CCDC171: variants seen among roughly 807,000 people sequenced by gnomAD.
CCDC171 encodes coiled-coil domain containing 171, also known as coiled-coil domain-containing protein 171.
In CCDC171, 177 loss-of-function variants were observed where a neutral mutation model predicts 168.2. That is an observed-to-expected ratio of 1.05 (90% confidence interval 0.93 to 1.19). The LOEUF (loss-of-function observed/expected upper bound fraction) is 1.19, where lower values mean the gene tolerates loss of function less well. Ranked by LOEUF, CCDC171 falls within the 50% of genes most tolerant of loss-of-function variation. The probability of loss-of-function intolerance (pLI) is 0.00; values close to 1 mark genes in which losing one functional copy is unlikely to be tolerated. For synonymous variants in CCDC171, 687 were observed against 540.8 expected (o/e 1.27, Z -3.75); for missense variants, 1,991 against 1,539.0 (o/e 1.29, Z -4.91).
At chr9:15,624,665 G>C (rs1054892020) in intron 7 of CCDC171, among the ~76,000 whole-genome samples, 5 of 152,138 alleles carry the variant, frequency 3.3e-5, no homozygotes, top group South Asian at 2.1e-4. Context: ...TGGCTGCATA[G>C]TATTCCATGG....
intron 1 of CCDC171, among the ~76,000 whole-genome samples, chr9:15,556,065 T>G (rs1013020238): frequency 3.3e-5 from 5 of 152,196 alleles, no homozygotes; most frequent in African/African-American, 1.2e-4. Flanking sequence ...TGCCACATTT[T>G]CTTAATCCAG....
In CCDC171 at chr9:15,858,573, G is replaced by A. The variant is rs147043614; in HGVS notation, c.3468+9626G>A. On this transcript the variant is annotated intron_variant, in intron 23 of 25. Transcript: ENST00000380701. Reference sequence around the variant, plus strand: ...AACACAGAATGTTTTTTCATTTGTTGTATTTTTAATTTCTTTTGCCAATAT... The same window carrying A: ...AACACAGAATGTTTTTTCATTTGTTATATTTTTAATTTCTTTTGCCAATAT... Among the ~76,000 whole-genome samples the A allele has an allele frequency of 6.4e-4, 98 of 151,988 alleles. 1 individual carries two copies. The East Asian group carries it at 0.016, about 25-fold the overall frequency.
intron 24 of CCDC171, among the ~76,000 whole-genome samples, chr9:15,882,552 A>G (rs1392309714): frequency 6.6e-6 from 1 of 152,122 alleles, no homozygotes; most frequent in African/African-American, 2.4e-5. Flanking sequence ...AGTGTTTGGA[A>G]AAACTTATTT....
At chr9:15,906,989 G>A (rs1189728507) in intron 24 of CCDC171, among the ~76,000 whole-genome samples, 1 of 152,010 alleles carries the variant, frequency 6.6e-6, no homozygotes, top group Non-Finnish European at 1.5e-5. Flanking sequence ...ACAAACCACT[G>A]CTCAATGAAA....
At chr9:15,955,847 C>T (rs973382231) in intron 25 of CCDC171, among the ~76,000 whole-genome samples, 17 of 151,804 alleles carry the variant, frequency 1.1e-4, no homozygotes, top group Admixed American at 3.9e-4. Context: ...AGGAAACAGA[C>T]GTGTGTGTAT....
At chr9:15,832,864 C>A (rs913019749) in intron 21 of CCDC171, among the ~76,000 whole-genome samples, 1 of 151,554 alleles carries the variant, frequency 6.6e-6, no homozygotes, top group African/African-American at 2.4e-5. Flanking sequence ...CTTTTTTTAA[C>A]GTTTAAAACT....
chr9:15,910,908 G>C (rs141018593), intron 24 of CCDC171, among the ~76,000 whole-genome samples: 1 of 152,140 alleles, frequency 6.6e-6, no homozygotes, highest in African/African-American at 2.4e-5. Flanking sequence ...AGTATTCCAT[G>C]GTGTATATGT....
chr9:15,849,031 G>T, intron 23 of CCDC171, 84 bp downstream of exon 23: 2 of 660,804 alleles, frequency 3.0e-6, no homozygotes, highest in Non-Finnish European at 2.5e-6. Flanking sequence ...TACTTTCATT[G>T]ATTTTGAAAG....
intron 6 of CCDC171, among the ~76,000 whole-genome samples, chr9:16,031,610 C>A (rs549860788): frequency 6.6e-6 from 1 of 152,156 alleles, no homozygotes; most frequent in African/African-American, 2.4e-5. Context: ...TTAGGGAAAT[C>A]GAATGGCCAG....
At chr9:15,805,919 G>C (rs1295223458) in intron 21 of CCDC171, among the ~76,000 whole-genome samples, 1 of 152,068 alleles carries the variant, frequency 6.6e-6, no homozygotes, top group Non-Finnish European at 1.5e-5. Context: ...CTAAGAATGT[G>C]CTTTATGAAT....
intron 11 of CCDC171, among the ~76,000 whole-genome samples, chr9:15,704,109 G>A (rs982757930): frequency 7.2e-5 from 11 of 152,198 alleles, no homozygotes; most frequent in African/African-American, 2.4e-4. Context: ...TACCTGTGAA[G>A]CACTGTAGAA....
intron 18 of CCDC171, among the ~76,000 whole-genome samples, chr9:15,762,275 C>T (rs1156504115): frequency 1.3e-5 from 2 of 150,344 alleles, no homozygotes; most frequent in African/African-American, 4.9e-5. Context: ...CAAATCTGTA[C>T]TAAAATATTA....
chr9:15,705,160 G>T (rs757848869), intron 11 of CCDC171, among the ~76,000 whole-genome samples: 1 of 151,838 alleles, frequency 6.6e-6, no homozygotes, highest in Non-Finnish European at 1.5e-5. Flanking sequence ...TGATGGACGT[G>T]TTAATTAACT....
At chr9:15,748,242 A>G (rs1255918106) in intron 18 of CCDC171, among the ~76,000 whole-genome samples, 1 of 152,202 alleles carries the variant, frequency 6.6e-6, no homozygotes, top group Non-Finnish European at 1.5e-5. Context: ...AGATCAAACT[A>G]ATGAAATAAA....
At chr9:15,685,495 C>T (rs1240070999) in intron 10 of CCDC171, among the ~76,000 whole-genome samples, 2 of 151,850 alleles carry the variant, frequency 1.3e-5, no homozygotes, top group East Asian at 1.9e-4. Context: ...ATGAGCTGTG[C>T]GTGGTGACGT....
intron 7 of CCDC171, among the ~76,000 whole-genome samples, chr9:15,646,197 T>G (rs1298262221): frequency 1.3e-5 from 2 of 152,196 alleles, no homozygotes; most frequent in Non-Finnish European, 2.9e-5. Flanking sequence ...AAGCAAATGC[T>G]GAGAGATTTT....
chr9:15,587,735 C>G (rs2041675186), intron 4 of CCDC171: 1 of 435,104 alleles, frequency 2.3e-6, no homozygotes, highest in Non-Finnish European at 4.7e-6. Context: ...TTTATAGTTT[C>G]TAACTTTTAA....
chr9:15,678,634 C>G, intron 9 of CCDC171, 124 bp from the exon 10 acceptor site: 2 of 667,044 alleles, frequency 3.0e-6, no homozygotes, highest in Admixed American at 3.9e-5. Flanking sequence ...AAGGAGTTAG[C>G]CTTAAAAAGT....
At position 15,573,200 on chromosome 9, in the gene CCDC171, G is replaced by C. The variant is rs74936006; in HGVS notation, c.177+1441G>C. 1.3e-4 allele frequency among the ~76,000 whole-genome samples: 20 copies of C among 152,282 alleles called. No homozygotes were observed. The East Asian group carries it at 3.5e-3, about 26-fold the overall frequency. On this transcript the variant is annotated intron_variant, in intron 3 of 25. Transcript: ENST00000380701. ...ATATCTAAGGAGCAGTGGTATTGCT[G>C]ATTGAAATAACAAGAGATGAATACA... is the stretch of plus-strand genomic sequence containing the variant.
Sources: gnomAD v4.1 joint callset for allele counts (sites outside exome capture counted in the v4.1 genomes callset) on GRCh38, gnomAD v4.1.1 for gene constraint, MANE v1.5 for transcripts, NCBI Gene and HGNC (gene_info 2026-07-23, HGNC 2026-07-21) for gene names.